The following KSR2 variants were observed in gnomAD, a reference collection of about 807,000 sequenced individuals.
The protein encoded by KSR2 is kinase suppressor of ras 2.
A neutral mutation model predicts 107.8 loss-of-function variants in KSR2; 25 were observed. The observed-to-expected ratio is 0.23, with a 90% CI of 0.17 to 0.32. The LOEUF is 0.32. KSR2 is among the 10% of genes least tolerant of loss of function. The pLI is 1.00. For synonymous variants in KSR2, 480 were observed against 507.0 expected, an observed-to-expected ratio of 0.95 and a Z score of 0.71; for missense variants, 887 against 1,268.9, an observed-to-expected ratio of 0.70 and a Z score of 4.57.
chr12:117,475,684 A>T (rs3861900), intron 17 of KSR2, among the ~76,000 whole-genome samples: 253 of 152,302 alleles, frequency 1.7e-3, no homozygotes, highest in Non-Finnish European at 3.0e-3. Flanking sequence ...GGTGGTTTTA[A>T]ATATGTCCAG....
chr12:117,938,377 G>A (rs954271034), intron 1 of KSR2, among the ~76,000 whole-genome samples: 1 of 152,088 alleles, frequency 6.6e-6, no homozygotes, highest in Non-Finnish European at 1.5e-5. Context: ...TCATAGGCCA[G>A]GTGTGGGGGC....
chr12:117,960,784 T>C lies in KSR2; in HGVS notation c.180+7292A>G, dbSNP rs150653389. Among the ~76,000 whole-genome samples the C allele has an allele frequency of 3.5e-4, 53 of 151,172 alleles. 1 individual carries two copies. The East Asian group carries it at 6.8e-3, about 19-fold the overall frequency. The stretch of plus-strand genomic sequence containing the variant: ...GGCAGAGACTACTAGCTATTCAGCA[T>C]ATTTTCTTTTTCCTTTTTTTTTTTT... On this transcript the variant is annotated intron_variant, in intron 1 of 19. Transcript: ENST00000339824.
chr12:117,636,222 T>C (rs1883067111), intron 5 of KSR2, among the ~76,000 whole-genome samples: 1 of 152,064 alleles, frequency 6.6e-6, no homozygotes, highest in Non-Finnish European at 1.5e-5. Context: ...CACTGCTGGG[T>C]ATATAAGCAA....
intron 4 of KSR2, among the ~76,000 whole-genome samples, chr12:117,670,642 C>A (rs1330226140): frequency 6.6e-6 from 1 of 152,174 alleles, no homozygotes; most frequent in Non-Finnish European, 1.5e-5. Flanking sequence ...CCACCTCTTT[C>A]TTGGAACCCT....
intron 1 of KSR2, among the ~76,000 whole-genome samples, chr12:117,885,223 G>A (rs943632438): frequency 1.3e-4 from 20 of 152,308 alleles, no homozygotes; most frequent in Admixed American, 2.6e-4. Context: ...AGGTCTTTCC[G>A]ATAGAGATCT....
intron 5 of KSR2, among the ~76,000 whole-genome samples, chr12:117,624,700 A>AT (rs1882374478): frequency 6.6e-6 from 1 of 152,094 alleles, no homozygotes; most frequent in South Asian, 2.1e-4. Flanking sequence ...AATGCAGGCC[A>AT]TTTTTTGGTT....
intron 1 of KSR2, among the ~76,000 whole-genome samples, chr12:117,882,571 A>G (rs1215364947): frequency 6.6e-6 from 1 of 151,910 alleles, no homozygotes; most frequent in East Asian, 1.9e-4. Context: ...TCATCCATCC[A>G]ACCACCCATC....
rs543381671 is a variant in KSR2, at chr12:117,610,022, C to T, written c.1172-27663G>A. On this transcript the variant is annotated intron_variant, in intron 5 of 19. Coordinates refer to ENST00000339824, the MANE Select transcript of KSR2 (RefSeq NM_173598.6). Reference sequence around the variant, plus strand: ...CAAAAGAGAAACTGAGACACAGGGACGCATGCATGACTCGCCCAGATACAC... The same window carrying T: ...CAAAAGAGAAACTGAGACACAGGGATGCATGCATGACTCGCCCAGATACAC... 6.6e-5 allele frequency among the ~76,000 whole-genome samples: 10 copies of T among 152,244 alleles called. No homozygotes were observed. In the East Asian group the frequency reaches 7.7e-4, roughly 12 times the overall value.
At chr12:117,605,114 C>T (rs1348549989) in intron 5 of KSR2, among the ~76,000 whole-genome samples, 2 of 152,126 alleles carry the variant, frequency 1.3e-5, no homozygotes, top group Non-Finnish European at 2.9e-5. Context: ...GGAATGAATT[C>T]ACTGGGCTCT....
intron 5 of KSR2, among the ~76,000 whole-genome samples, chr12:117,600,199 A>G (rs139841301): frequency 5.9e-5 from 9 of 152,302 alleles, no homozygotes; most frequent in African/African-American, 2.2e-4. Flanking sequence ...TCTGATTGCA[A>G]CCCTCCAGGA....
chr12:117,681,105 A>C lies in KSR2; in HGVS notation c.987-13447T>G, dbSNP rs141948433. ...GGTAAGATGATGAAACCCTAACTCT[A>C]CAAAAAATACAAAAATTAGCCAGGC... is the stretch of plus-strand genomic sequence containing the variant. On this transcript the variant is annotated intron_variant, in intron 4 of 19. Coordinates refer to ENST00000339824, the MANE Select transcript of KSR2 (RefSeq NM_173598.6). 8.1e-3 allele frequency among the ~76,000 whole-genome samples: 1,231 copies of C among 152,254 alleles called. 16 individuals are homozygous for C. Among genetic ancestry groups the C allele is most frequent in the African/African-American group, 0.028 (1,172 of 41,552 alleles).
Position 117,731,382 on chromosome 12 carries a change from CTCCGCCCAGCA to C in KSR2, c.986+29618_986+29628del, listed in dbSNP as rs1180011876. On this transcript the variant is annotated intron_variant, in intron 4 of 19. Transcript: ENST00000339824. ...GCCCTGTCTGGGAAGTGAGGAGCGT[CTCCGCCCAGCA>C]GCCGCCCCGTCCGGGAGGGAGGTGG... 6.1e-5 allele frequency among the ~76,000 whole-genome samples: 9 copies of C among 147,002 alleles called. No homozygotes were observed. The East Asian group carries it at 1.8e-3, about 30-fold the overall frequency.
intron 4 of KSR2, among the ~76,000 whole-genome samples, chr12:117,674,772 A>G (rs538170614): frequency 1.3e-5 from 2 of 152,350 alleles, no homozygotes; most frequent in South Asian, 2.1e-4. Context: ...GGCTTTAAAA[A>G]GTATACATTG....
chr12:117,489,410 A>G (rs1006280561), intron 14 of KSR2, among the ~76,000 whole-genome samples: 2 of 152,040 alleles, frequency 1.3e-5, no homozygotes, highest in Non-Finnish European at 2.9e-5. Context: ...AGCTGTGTGT[A>G]GTGGCACATG....
intron 15 of KSR2, among the ~76,000 whole-genome samples, chr12:117,485,226 C>T (rs1415276654): frequency 4.6e-5 from 7 of 152,112 alleles, no homozygotes; most frequent in Non-Finnish European, 1.0e-4. Flanking sequence ...TTGATGTTTC[C>T]CTAGCAGCAG....
intron 2 of KSR2, among the ~76,000 whole-genome samples, chr12:117,859,055 G>A (rs1244847484): frequency 2.0e-5 from 3 of 151,740 alleles, no homozygotes; most frequent in Admixed American, 2.0e-4. Flanking sequence ...TAATCTTTGA[G>A]AGCGGACATA....
chr12:117,762,036 T>C (rs1889054571), intron 3 of KSR2, among the ~76,000 whole-genome samples: 1 of 152,154 alleles, frequency 6.6e-6, no homozygotes, highest in Non-Finnish European at 1.5e-5. Context: ...AAAAAGACAA[T>C]AAAATCCCCT....
chr12:117,913,455 G>A (rs117567994), intron 1 of KSR2, among the ~76,000 whole-genome samples: 200 of 152,230 alleles, frequency 1.3e-3, no homozygotes, highest in Non-Finnish European at 2.0e-3. Context: ...AACTCAGAAC[G>A]TAACTTTATT....
chr12:117,652,457 G>C (rs1471204230), intron 5 of KSR2, among the ~76,000 whole-genome samples: 1 of 152,118 alleles, frequency 6.6e-6, no homozygotes, highest in African/African-American at 2.4e-5. Flanking sequence ...AAAATTTCTA[G>C]GTAGGATGGA....
Sources: gnomAD v4.1 joint callset for allele counts (sites outside exome capture counted in the v4.1 genomes callset) on GRCh38, gnomAD v4.1.1 for gene constraint, MANE v1.5 for transcripts, NCBI Gene and HGNC (gene_info 2026-07-23, HGNC 2026-07-21) for gene names.